Variants in KIF6 observed in about 807,000 individuals in gnomAD.
KIF6 encodes kinesin-like protein KIF6.
In KIF6, 106 loss-of-function variants were observed where a neutral mutation model predicts 112.7. The observed-to-expected ratio is 0.94, with a 90% CI of 0.80 to 1.11. The LOEUF (loss-of-function observed/expected upper bound fraction) is 1.11. Ranked by LOEUF, KIF6 falls within the 50% of genes least tolerant of loss-of-function variation. KIF6 has a pLI of 0.00. For missense variants in KIF6, 929 were observed against 964.0 expected (o/e 0.96, Z 0.48); for synonymous variants, 339 against 339.9 (o/e 1.00, Z 0.03).
chr6:39,581,557 A>T (rs951764204), intron 9 of KIF6, among the ~76,000 whole-genome samples: 1 of 152,108 alleles, frequency 6.6e-6, no homozygotes, highest in Non-Finnish European at 1.5e-5. Flanking sequence ...CTAGGGTTTC[A>T]AATTTTTCAA....
chr6:39,667,441 C>T (rs373604993), intron 3 of KIF6, among the ~76,000 whole-genome samples: 11 of 152,154 alleles, frequency 7.2e-5, no homozygotes, highest in African/African-American at 2.2e-4. Context: ...GGATGGCACC[C>T]GCTAACACTG....
chr6:39,431,201 C>T (rs747314363), intron 13 of KIF6, 40 bp from the exon 14 acceptor site: 1 of 1,168,138 alleles, frequency 8.6e-7, no homozygotes, highest in Admixed American at 1.7e-5. Flanking sequence ...GTCACAGCAT[C>T]AGGATCCTAT....
At chr6:39,674,000 G>A (rs1786988479) in intron 3 of KIF6, among the ~76,000 whole-genome samples, 2 of 151,986 alleles carry the variant, frequency 1.3e-5, no homozygotes, top group African/African-American at 2.4e-5. Flanking sequence ...GAGACTATCT[G>A]GTACTATTCT....
chr6:39,514,770 T>A (rs1340747699), intron 13 of KIF6, among the ~76,000 whole-genome samples: 1 of 130,778 alleles, frequency 7.6e-6, no homozygotes, highest in Non-Finnish European at 1.5e-5. Flanking sequence ...CTCAAGGCTT[T>A]TTTTCCCCCC....
chr6:39,489,035 C>T (rs958936658), intron 13 of KIF6, among the ~76,000 whole-genome samples: 2 of 152,180 alleles, frequency 1.3e-5, no homozygotes, highest in Non-Finnish European at 2.9e-5. Flanking sequence ...GCCCCCTTGA[C>T]ATCAATTTTA....
At chr6:39,694,952 T>C (rs971698057) in intron 3 of KIF6, among the ~76,000 whole-genome samples, 4 of 152,094 alleles carry the variant, frequency 2.6e-5, no homozygotes. Context: ...AAAAGCATAG[T>C]ACTATTACAA....
intron 13 of KIF6, among the ~76,000 whole-genome samples, chr6:39,496,251 C>T (rs1052905314): frequency 2.6e-5 from 4 of 152,174 alleles, no homozygotes; most frequent in Non-Finnish European, 4.4e-5. Flanking sequence ...ACTTCATTTG[C>T]CACATGACCA....
intron 10 of KIF6, among the ~76,000 whole-genome samples, chr6:39,575,461 T>C (rs960358307): frequency 8.6e-5 from 13 of 151,962 alleles, no homozygotes; most frequent in South Asian, 8.3e-4. Flanking sequence ...TTAGTAGAGA[T>C]GGGTTTCACC....
chr6:39,446,546 T>A (rs1424147895), intron 13 of KIF6, among the ~76,000 whole-genome samples: 1 of 152,128 alleles, frequency 6.6e-6, no homozygotes, highest in Non-Finnish European at 1.5e-5. Flanking sequence ...CAGGCTGGAG[T>A]GCAATGGTGT....
intron 13 of KIF6, among the ~76,000 whole-genome samples, chr6:39,461,761 A>C (rs1024645714): frequency 3.0e-4 from 46 of 152,152 alleles, no homozygotes; most frequent in Admixed American, 6.5e-4. Flanking sequence ...AATGTAGCCA[A>C]ACTGAGTAGT....
chr6:39,484,542 A>C (rs1022223584), intron 13 of KIF6, among the ~76,000 whole-genome samples: 8 of 152,218 alleles, frequency 5.3e-5, no homozygotes, highest in African/African-American at 1.9e-4. Context: ...CGGGAGATGG[A>C]GTAAAAGAAG....
At chr6:39,510,891 A>AAAAAAAAAC in intron 13 of KIF6, among the ~76,000 whole-genome samples, 1 of 149,814 alleles carries the variant, frequency 6.7e-6, no homozygotes, top group Non-Finnish European at 1.5e-5. Flanking sequence ...AAAAAAAAAA[A>AAAAAAAAAC]AAAAAAGCAA....
intron 3 of KIF6, among the ~76,000 whole-genome samples, chr6:39,657,611 A>G (rs889018591): frequency 3.3e-5 from 5 of 152,238 alleles, no homozygotes; most frequent in Non-Finnish European, 7.3e-5. Context: ...AAGTAAAGTA[A>G]ATATCACAGA....
chr6:39,709,695 G>A (rs1789427645), intron 3 of KIF6, among the ~76,000 whole-genome samples: 1 of 152,170 alleles, frequency 6.6e-6, no homozygotes, highest in Non-Finnish European at 1.5e-5. Context: ...AGCCTTAATT[G>A]CATACAGTAA....
chr6:39,376,243 T>A (rs2150295529), intron 16 of KIF6, among the ~76,000 whole-genome samples: 1 of 152,298 alleles, frequency 6.6e-6, no homozygotes, highest in Non-Finnish European at 1.5e-5. Flanking sequence ...GTCAACAATT[T>A]TATTTCTGAG....
At chr6:39,636,954 G>T (rs1784649274) in intron 4 of KIF6, among the ~76,000 whole-genome samples, 1 of 151,930 alleles carries the variant, frequency 6.6e-6, no homozygotes, top group African/African-American at 2.4e-5. Flanking sequence ...TTATAACAGA[G>T]AAATAAGATT....
At chr6:39,393,699 G>A (rs144002667) in intron 15 of KIF6, among the ~76,000 whole-genome samples, 1 of 152,120 alleles carries the variant, frequency 6.6e-6, no homozygotes, top group Non-Finnish European at 1.5e-5. Context: ...TGTTCAGTGG[G>A]GAGTTAAAAC....
At chr6:39,655,857 C>A (rs1461984813) in intron 3 of KIF6, among the ~76,000 whole-genome samples, 1 of 152,196 alleles carries the variant, frequency 6.6e-6, no homozygotes, top group Non-Finnish European at 1.5e-5. Context: ...ATCTGCCAAG[C>A]AAGTCTACCA....
intron 13 of KIF6, among the ~76,000 whole-genome samples, chr6:39,450,171 A>T (rs1037116213): frequency 1.3e-5 from 2 of 152,208 alleles, no homozygotes; most frequent in Non-Finnish European, 2.9e-5. Context: ...GACACATGAG[A>T]ATCTTTGGAG....
Sources: gnomAD v4.1 joint callset for allele counts (sites outside exome capture counted in the v4.1 genomes callset) on GRCh38, gnomAD v4.1.1 for gene constraint, MANE v1.5 for transcripts, NCBI Gene and HGNC (gene_info 2026-07-23, HGNC 2026-07-21) for gene names.